NAV3: variants seen among roughly 807,000 people sequenced by gnomAD.
NAV3 encodes pore membrane and/or filament interacting like protein 1.
NAV3 carries 87 observed loss-of-function variants against 244.7 expected under a neutral mutation model. That is an observed-to-expected ratio of 0.36 (90% CI 0.30 to 0.42). The LOEUF (loss-of-function observed/expected upper bound fraction) is 0.42. NAV3 is among the 20% of genes least tolerant of loss of function. NAV3 has a pLI of 1.00. For synonymous variants in NAV3, 1,126 were observed against 1,042.2 expected (o/e 1.08, Z -1.55); for missense variants, 2,663 against 2,893.3 (o/e 0.92, Z 1.83).
upstream of NAV3, among the ~76,000 whole-genome samples, chr12:77,827,105 C>A (rs936457808): frequency 6.6e-6 from 1 of 151,682 alleles, no homozygotes; most frequent in Non-Finnish European, 1.5e-5. Flanking sequence ...TAGTGGCAGG[C>A]GCCTGTAATC....
chr12:78,104,818 T>C (rs1236931746), intron 12 of NAV3, among the ~76,000 whole-genome samples: 1 of 152,208 alleles, frequency 6.6e-6, no homozygotes, highest in Non-Finnish European at 1.5e-5. Flanking sequence ...TTCTTAAATG[T>C]TGCATAAATA....
chr12:77,872,783 A>G (rs1325227539), intron 1 of NAV3, among the ~76,000 whole-genome samples: 2 of 152,076 alleles, frequency 1.3e-5, no homozygotes, highest in African/African-American at 4.8e-5. Flanking sequence ...ACCAATGAGG[A>G]GCTGTTTATT....
At chr12:77,740,635 A>G (rs1184680508) in intron 2 of NAV3, among the ~76,000 whole-genome samples, 2 of 152,174 alleles carry the variant, frequency 1.3e-5, no homozygotes, top group African/African-American at 4.8e-5. Flanking sequence ...ATGGTACTGT[A>G]ATGATAAATC....
At chr12:77,592,826 T>C (rs1212401026) in intron 2 of NAV3, among the ~76,000 whole-genome samples, 1 of 152,236 alleles carries the variant, frequency 6.6e-6, no homozygotes, top group Admixed American at 6.5e-5. Context: ...GATCATTTCA[T>C]ACAGTGGCGT....
intron 1 of NAV3, among the ~76,000 whole-genome samples, chr12:77,890,034 G>A (rs527866451): frequency 2.0e-5 from 3 of 152,350 alleles, no homozygotes; most frequent in South Asian, 4.1e-4. Context: ...ACCAGTAGGT[G>A]AGGGAAACCT....
intron 2 of NAV3, among the ~76,000 whole-genome samples, chr12:77,711,421 T>G (rs929731063): frequency 8.5e-5 from 13 of 152,338 alleles, no homozygotes; most frequent in Admixed American, 1.3e-4. Context: ...TTCAGGGGAA[T>G]TGGTCAAAGC....
intron 2 of NAV3, among the ~76,000 whole-genome samples, chr12:77,626,906 A>G (rs1283750483): frequency 1.3e-5 from 2 of 152,158 alleles, no homozygotes; most frequent in Admixed American, 6.6e-5. Context: ...CACAAATGAA[A>G]GAGAAGGGAG....
At chr12:77,639,996 G>C (rs912455507) in intron 2 of NAV3, among the ~76,000 whole-genome samples, 7 of 152,040 alleles carry the variant, frequency 4.6e-5, no homozygotes, top group Non-Finnish European at 1.5e-5. Flanking sequence ...AATGACCCCA[G>C]ACAAAGATAC....
At chr12:78,128,971 G>A (rs1593705437) in intron 18 of NAV3, 105 bp downstream of exon 18, 1 of 1,073,532 alleles carries the variant, frequency 9.3e-7, no homozygotes, top group African/African-American at 1.6e-5. Context: ...TTTAAAGGGA[G>A]GGATAAAAGC....
At chr12:77,884,373 A>G (rs931637672) in intron 1 of NAV3, among the ~76,000 whole-genome samples, 1 of 152,108 alleles carries the variant, frequency 6.6e-6, no homozygotes, top group South Asian at 2.1e-4. Context: ...TAGGATGTCT[A>G]CAAGCTGGAG....
At chr12:78,204,874 C>T (rs978275958) in intron 38 of NAV3, 61 bp from the exon 39 acceptor site, 1 of 1,468,606 alleles carries the variant, frequency 6.8e-7, no homozygotes, top group East Asian at 2.3e-5. Flanking sequence ...ACTAGCAGTC[C>T]CCTTTTTTGC....
At chr12:77,757,314 A>T (rs1012685566) in intron 2 of NAV3, among the ~76,000 whole-genome samples, 1 of 152,198 alleles carries the variant, frequency 6.6e-6, no homozygotes, top group Admixed American at 6.5e-5. Context: ...ATGGGAAAGT[A>T]TAATTTTCCT....
At chr12:78,021,627 A>C in intron 8 of NAV3, 120 bp from the exon 9 acceptor site, 1 of 639,686 alleles carries the variant, frequency 1.6e-6, no homozygotes, top group South Asian at 1.8e-5. Context: ...CATTCCAGTC[A>C]TAAAGAAATA....
At chr12:77,912,721 C>A (rs901780445) in intron 1 of NAV3, among the ~76,000 whole-genome samples, 3 of 152,038 alleles carry the variant, frequency 2.0e-5, no homozygotes, top group Non-Finnish European at 4.4e-5. Flanking sequence ...AATTCTGCCT[C>A]CCGGGTTCAA....
intron 5 of NAV3, among the ~76,000 whole-genome samples, chr12:77,976,066 G>A (rs1344665363): frequency 6.6e-6 from 1 of 152,164 alleles, no homozygotes; most frequent in African/African-American, 2.4e-5. Context: ...ATAAAGGTGA[G>A]ACTGTACGTT....
intron 1 of NAV3, among the ~76,000 whole-genome samples, chr12:77,859,629 A>AG (rs1878917593): frequency 7.0e-6 from 1 of 143,384 alleles, no homozygotes; most frequent in Non-Finnish European, 1.6e-5. Flanking sequence ...AAAAAAAAAA[A>AG]TCAAAGTGAA....
intron 2 of NAV3, among the ~76,000 whole-genome samples, chr12:77,577,403 G>T (rs1869142215): frequency 6.6e-6 from 1 of 151,978 alleles, no homozygotes; most frequent in Non-Finnish European, 1.5e-5. Flanking sequence ...TCATATGGCG[G>T]CCTTTTTGCA....
rs3809155 is a variant in NAV3, at chr12:78,126,243, T to C, written c.4239-924T>C. On this transcript the variant is annotated intron_variant, in intron 16 of 39. Coordinates refer to ENST00000397909, the MANE Select transcript of NAV3 (RefSeq NM_001024383.2). ...AACATTTTAGCTTTGGTTTGAGTGA[T>C]CAAATTTTAGGTCAGCCTTTTTACA... Among the ~76,000 whole-genome samples, 262 of 152,316 alleles carry C rather than the reference T, an allele frequency of 1.7e-3. 4 individuals carry two copies. The East Asian group carries it at 0.026, about 15-fold the overall frequency.
chr12:77,809,202 C>T lies in NAV3; in HGVS notation c.73-131117C>T, dbSNP rs79852635. ...TGAACTGTTCTGTCTTTCTGGCTTT[C>T]CAGGTGTCACTGGGTTATGAAAAAG... On this transcript the variant is annotated intron_variant, in intron 2 of 8. Transcript: ENST00000550042. Among the ~76,000 whole-genome samples the T allele has an allele frequency of 4.9e-3, 752 of 152,308 alleles. 4 individuals carry two copies. The highest frequency in any genetic ancestry group is 8.7e-3 in the Non-Finnish European group (594 of 68,024).
Sources: allele counts gnomAD v4.1 joint callset (sites outside exome capture counted in the v4.1 genomes callset), GRCh38; gene constraint gnomAD v4.1.1; transcripts MANE v1.5; gene names NCBI Gene and HGNC (gene_info 2026-07-23, HGNC 2026-07-21).